Variants in TMED3 observed in about 807,000 individuals in gnomAD.
The protein encoded by TMED3 is transmembrane emp24 domain-containing protein 3.
Under a neutral mutation model 15.0 loss-of-function variants are expected in TMED3, and 9 were observed. The observed-to-expected ratio is 0.60, with a 90% CI of 0.36 to 1.04. TMED3 has a LOEUF of 1.04. Among genes scored for constraint, TMED3 ranks in the 50% least tolerant of loss-of-function variants. The pLI is 0.01. For synonymous variants in TMED3, 117 were observed against 121.4 expected (o/e 0.96, Z 0.24); for missense variants, 267 against 278.9 (o/e 0.96, Z 0.30).
At chr15:79,356,570 C>T (rs951250942) in intron 2 of TMED3, among the ~76,000 whole-genome samples, 11 of 152,154 alleles carry the variant, frequency 7.2e-5, no homozygotes, top group African/African-American at 2.4e-4. Flanking sequence ...CAAACACATA[C>T]ATTCATATGC....
intron 2 of TMED3, among the ~76,000 whole-genome samples, chr15:79,368,874 G>A (rs772608323): frequency 4.6e-5 from 7 of 152,084 alleles, no homozygotes; most frequent in African/African-American, 1.7e-4. Context: ...GATCACATGA[G>A]GTCAGGAGTT....
intron 2 of TMED3, among the ~76,000 whole-genome samples, chr15:79,371,124 A>T (rs1893330244): frequency 6.6e-6 from 1 of 152,252 alleles, no homozygotes; most frequent in Non-Finnish European, 1.5e-5. Flanking sequence ...TTTACCAAAT[A>T]GTGTGCCAAG....
intron 2 of TMED3, among the ~76,000 whole-genome samples, chr15:79,400,131 A>C (rs1056735584): frequency 2.3e-4 from 35 of 151,862 alleles, no homozygotes. Flanking sequence ...GCTCCTCCCA[A>C]CCTCAGGGCC....
intron 2 of TMED3, among the ~76,000 whole-genome samples, chr15:79,320,859 C>T (rs989036712): frequency 3.3e-5 from 5 of 152,138 alleles, no homozygotes; most frequent in Non-Finnish European, 5.9e-5. Context: ...AGCCTGATGT[C>T]GAGGTGGTGG....
rs962876990 is a variant in TMED3, at chr15:79,360,893, A to G, written c.417+46888A>G. 2.0e-5 allele frequency among the ~76,000 whole-genome samples: 3 copies of G among 152,342 alleles called. No homozygotes were observed. The South Asian group carries it at 6.2e-4, about 32-fold the overall frequency. On this transcript the variant is annotated intron_variant, in intron 2 of 2. Transcript: ENST00000424155. Reference sequence around the variant, plus strand: ...GAGACAGAGTCTCACGGTGTCACCCAGGCTGGAGTGCACTATTGTGATCAT... The same window carrying G: ...GAGACAGAGTCTCACGGTGTCACCCGGGCTGGAGTGCACTATTGTGATCAT...
chr15:79,359,252 A>G (rs1893077965), intron 2 of TMED3, among the ~76,000 whole-genome samples: 5 of 63,800 alleles, frequency 7.8e-5, no homozygotes, highest in Admixed American at 5.6e-4. Context: ...TTTTTTTTTG[A>G]GACGGAGTCT....
chr15:79,323,058 C>T (rs765274037), downstream of TMED3, among the ~76,000 whole-genome samples: 8 of 152,166 alleles, frequency 5.3e-5, no homozygotes, highest in Non-Finnish European at 8.8e-5. Flanking sequence ...TGTTGTACAA[C>T]GGAACTTTGC....
chr15:79,379,387 G>A (rs1472862802), intron 2 of TMED3, among the ~76,000 whole-genome samples: 1 of 152,050 alleles, frequency 6.6e-6, no homozygotes, highest in Non-Finnish European at 1.5e-5. Context: ...AGTCACATTA[G>A]GTTTACTTTC....
intron 2 of TMED3, among the ~76,000 whole-genome samples, chr15:79,320,816 G>A (rs1032837796): frequency 2.0e-5 from 3 of 152,196 alleles, no homozygotes; most frequent in African/African-American, 7.2e-5. Context: ...CTGTGAGCCT[G>A]GGCAGGTTGG....
chr15:79,388,423 T>G (rs967455120), intron 2 of TMED3, among the ~76,000 whole-genome samples: 6 of 139,982 alleles, frequency 4.3e-5, no homozygotes, highest in African/African-American at 1.2e-4. Context: ...GAGAATTATG[T>G]TTTTTTTTTT....
intron 2 of TMED3, among the ~76,000 whole-genome samples, chr15:79,379,560 T>C (rs1893485121): frequency 7.0e-6 from 1 of 142,662 alleles, no homozygotes; most frequent in South Asian, 2.1e-4. Flanking sequence ...ATAATTACTC[T>C]AATATTACTG....
chr15:79,382,940 C>G (rs1197834347), intron 2 of TMED3: 1 of 1,534,294 alleles, frequency 6.5e-7, no homozygotes, highest in Middle Eastern at 1.7e-4. Flanking sequence ...ATTACAAGGG[C>G]ATAAACACGA....
intron 2 of TMED3, among the ~76,000 whole-genome samples, chr15:79,367,655 G>A (rs911840482): frequency 1.3e-5 from 2 of 152,186 alleles, no homozygotes; most frequent in Admixed American, 6.5e-5. Flanking sequence ...TTACATCTCC[G>A]AATATGCTGC....
Position 79,341,390 on chromosome 15 carries a change from G to C in TMED3, c.417+27385G>C, listed in dbSNP as rs542770787. ...GGGAATAGGTATATGTAAAGATGGA[G>C]AGGATGCAAGGGCCAGCAAAGGAGC... On this transcript the variant is annotated intron_variant, in intron 2 of 2. Transcript: ENST00000424155. Among the ~76,000 whole-genome samples the C allele has an allele frequency of 1.3e-3, 204 of 152,136 alleles. 3 individuals are homozygous for C. The highest frequency in any genetic ancestry group is 6.8e-3 in the Middle Eastern group (2 of 294).
At chr15:79,325,759 G>T (rs185639486), downstream of TMED3, among the ~76,000 whole-genome samples, 844 of 152,280 alleles carry the variant, frequency 5.5e-3, 5 homozygotes, top group Middle Eastern at 0.017. Flanking sequence ...CAGACCACTG[G>T]TATAAGTCCA....
intron 2 of TMED3, among the ~76,000 whole-genome samples, chr15:79,333,686 T>C (rs7176772): frequency 0.32 from 48,194 of 152,058 alleles, 7,915 homozygotes; most frequent in African/African-American, 0.41. Flanking sequence ...TATTTTCAGC[T>C]TTCAGTAGTG....
At position 79,322,089 on chromosome 15, in the gene TMED3, A is replaced by T. The variant is rs146087422; in HGVS notation, c.529A>T (p.Ser177Cys). 1.9e-6 allele frequency: 3 copies of T among 1,614,084 alleles called. No homozygotes were observed. The highest frequency in any genetic ancestry group is 2.5e-6 in the Non-Finnish European group (3 of 1,180,050). The change falls in exon 3 of 3, where the codon AGC becomes TGC. Residue 177 changes from serine (S) to cysteine (C), a missense_variant. Physicochemically the swap from Ser to Cys is moderately radical, Grantham distance 112 (BLOSUM62 -1). Around this residue, in one of 3 missense-constraint regions of TMED3, gnomAD observed 139 missense variants for 125.0 expected, o/e 1.11. Transcript: ENST00000299705. ...CCGGGCCCGAGCAGAAGACCTTAAT[A>T]GCCGAGTCTCTTACTGGTCTGTTGG... ...QDRARAEDLN[S>C]RVSYWSVGET...
chr15:79,377,292 G>GTGTGTT (rs1893443119), intron 2 of TMED3, among the ~76,000 whole-genome samples: 1 of 150,788 alleles, frequency 6.6e-6, no homozygotes, highest in Non-Finnish European at 1.5e-5. Context: ...GTGTGTGTGT[G>GTGTGTT]TGTGTGAGAG....
At chr15:79,385,345 C>T (rs77836823) in intron 2 of TMED3, among the ~76,000 whole-genome samples, 5,431 of 152,236 alleles carry the variant, frequency 0.036, 210 homozygotes, top group East Asian at 0.11. Context: ...GGGCAGAATC[C>T]AGGGAGCTGA....
Sources: gnomAD v4.1 joint callset for allele counts (sites outside exome capture counted in the v4.1 genomes callset) on GRCh38, gnomAD v4.1.1 for gene constraint, gnomAD v4.1.1 regional missense constraint, MANE v1.5 for transcripts, NCBI Gene and HGNC (gene_info 2026-07-23, HGNC 2026-07-21) for gene names.